Variants in ANP32A observed in about 807,000 individuals in gnomAD.
The protein encoded by ANP32A is acidic leucine-rich nuclear phosphoprotein 32 family member A.
ANP32A carries 1 observed loss-of-function variant against 33.9 expected under a neutral mutation model. The ratio of observed to expected loss-of-function variants is 0.03; its 90% CI spans 0.01 to 0.14. The LOEUF is 0.14. ANP32A is among the 10% of genes least tolerant of loss of function. ANP32A has a pLI of 1.00. For synonymous variants in ANP32A, 115 were observed against 120.5 expected (o/e 0.95, Z 0.30); for missense variants, 155 against 306.0 (o/e 0.51, Z 3.68).
At chr15:68,820,541 C>T (rs1443610715) in intron 1 of ANP32A, among the ~76,000 whole-genome samples, 157 bp downstream of exon 1, 1 of 133,746 alleles carries the variant, frequency 7.5e-6, no homozygotes, top group Non-Finnish European at 1.6e-5. Flanking sequence ...GGCATTGCAA[C>T]CCCCCAGCCT....
intron 1 of ANP32A, among the ~76,000 whole-genome samples, chr15:68,809,970 A>C (rs374861415): frequency 6.6e-6 from 1 of 152,326 alleles, no homozygotes; most frequent in South Asian, 2.1e-4. Flanking sequence ...TTACAAACTG[A>C]AGCACTCTGA....
intron 1 of ANP32A, among the ~76,000 whole-genome samples, chr15:68,804,489 A>G (rs935013231): frequency 1.3e-5 from 2 of 152,234 alleles, no homozygotes; most frequent in African/African-American, 4.8e-5. Flanking sequence ...AACAAAACAC[A>G]TTTTTAAAAA....
chr15:68,788,886 T>C (rs1893966054), intron 1 of ANP32A, among the ~76,000 whole-genome samples: 1 of 152,120 alleles, frequency 6.6e-6, no homozygotes, highest in African/African-American at 2.4e-5. Context: ...TCTAATGAGG[T>C]AGAAAGAACG....
At chr15:68,810,910 G>C (rs559374216) in intron 1 of ANP32A, among the ~76,000 whole-genome samples, 3 of 151,886 alleles carry the variant, frequency 2.0e-5, no homozygotes, top group Non-Finnish European at 2.9e-5. Context: ...AAATAAAAAA[G>C]TTATCCGGGC....
intron 3 of ANP32A, among the ~76,000 whole-genome samples, chr15:68,786,237 GTGC>G (rs540138167): frequency 4.6e-4 from 69 of 149,278 alleles, no homozygotes; most frequent in African/African-American, 1.4e-3. Flanking sequence ...GATGCCTGAG[GTGC>G]TGCTGCTGCT....
At chr15:68,806,360 G>A (rs925051579) in intron 1 of ANP32A, among the ~76,000 whole-genome samples, 7 of 152,072 alleles carry the variant, frequency 4.6e-5, no homozygotes, top group African/African-American at 1.2e-4. Flanking sequence ...GATGAACACC[G>A]GCCGCTGAAA....
intron 1 of ANP32A, among the ~76,000 whole-genome samples, chr15:68,809,670 G>A (rs1427421293): frequency 6.6e-6 from 1 of 151,608 alleles, no homozygotes; most frequent in Non-Finnish European, 1.5e-5. Context: ...AACTCCATCA[G>A]AAAGTCACAC....
At chr15:68,793,148 A>T (rs956667696) in intron 1 of ANP32A, among the ~76,000 whole-genome samples, 17 of 152,304 alleles carry the variant, frequency 1.1e-4, no homozygotes, top group African/African-American at 4.1e-4. Context: ...GAGGTCAGGG[A>T]CTGTCCTCCG....
At position 68,780,604 on chromosome 15, in the gene ANP32A, C is replaced by T. The variant is rs889891375; in HGVS notation, c.625-131G>A. The T allele has an allele frequency of 7.8e-5, 112 of 1,439,438 alleles. No homozygotes were observed. The highest frequency in any genetic ancestry group is 5.3e-4 in the African/African-American group (37 of 69,770). The allele number at this position is 1,439,438 out of a possible 1,614,324, so 89.2% of individuals were successfully genotyped here. On this transcript the variant is annotated intron_variant, in intron 5 of 6. Coordinates refer to ENST00000465139, the MANE Select transcript of ANP32A (RefSeq NM_006305.4). The surrounding 1 kb of genome is among the most constrained non-coding windows in gnomAD (Gnocchi z 4.3). The stretch of plus-strand genomic sequence containing the variant: ...GAGCCCCCACCAAGACTTGACATCT[C>T]GGGAGGAATGTAAAGCAGAGGTTCT...
At chr15:68,792,002 G>A (rs1482708717) in intron 1 of ANP32A, 1 of 152,536 alleles carries the variant, frequency 6.6e-6, no homozygotes, top group Non-Finnish European at 1.5e-5. Flanking sequence ...TAGTGCTCTA[G>A]TTTCAAAGCC....
intron 1 of ANP32A, among the ~76,000 whole-genome samples, chr15:68,814,711 A>G (rs1189156006): frequency 6.6e-6 from 1 of 152,220 alleles, no homozygotes; most frequent in Non-Finnish European, 1.5e-5. Context: ...TGAAACTCAA[A>G]GCCACTATGC....
intron 1 of ANP32A, among the ~76,000 whole-genome samples, chr15:68,811,208 A>C (rs766604327): frequency 6.6e-5 from 10 of 152,148 alleles, no homozygotes; most frequent in Non-Finnish European, 1.2e-4. Context: ...AGGATGGAGA[A>C]GATAGACAAT....
intron 1 of ANP32A, among the ~76,000 whole-genome samples, chr15:68,796,601 A>T (rs535891007): frequency 6.6e-6 from 1 of 152,316 alleles, no homozygotes; most frequent in South Asian, 2.1e-4. Flanking sequence ...GGAGGACTGA[A>T]GAGGTAGGCA....
At chr15:68,781,607 CT>C (rs60622563) in intron 5 of ANP32A, 11,821 of 141,220 alleles carry the variant, frequency 0.084, 815 homozygotes, top group African/African-American at 0.19. Flanking sequence ...ATCTGGCCAG[CT>C]TTTTTTTTTT....
At chr15:68,781,559 G>A (rs1014622605) in intron 5 of ANP32A, 2 of 151,482 alleles carry the variant, frequency 1.3e-5, no homozygotes, top group African/African-American at 4.8e-5. Flanking sequence ...CTAGGGAGAA[G>A]GCAAAGCCAG....
At position 68,780,252 on chromosome 15, in the gene ANP32A, T is replaced by G; in HGVS notation, c.689-110A>C. 1 of 1,565,354 alleles carries G rather than the reference T, an allele frequency of 6.4e-7. No homozygotes were observed. Among genetic ancestry groups the G allele is most frequent in the Non-Finnish European group, 8.7e-7 (1 of 1,153,618 alleles). On this transcript the variant is annotated intron_variant, in intron 6 of 6. Coordinates refer to ENST00000465139, the MANE Select transcript of ANP32A (RefSeq NM_006305.4). The surrounding 1 kb of genome is among the most constrained non-coding windows in gnomAD (Gnocchi z 4.3). ...CATGACTAGCAAGCTGTGCCATCCT[T>G]GGAAACCGAGGCAAGACATCTGCAC...
chr15:68,814,389 G>A (rs1442116142), intron 1 of ANP32A, among the ~76,000 whole-genome samples: 4 of 151,252 alleles, frequency 2.6e-5, no homozygotes, highest in South Asian at 2.1e-4. Flanking sequence ...GCAAAACCCC[G>A]TCTCTACAAA....
chr15:68,810,825 C>T lies in ANP32A; in HGVS notation c.54+9873G>A, dbSNP rs145990598. 3.3e-3 allele frequency among the ~76,000 whole-genome samples: 505 copies of T among 151,946 alleles called. 8 individuals are homozygous for T. The highest frequency in any genetic ancestry group is 0.012 in the African/African-American group (487 of 41,472). On this transcript the variant is annotated intron_variant, in intron 1 of 6. Coordinates refer to ENST00000465139, the MANE Select transcript of ANP32A (RefSeq NM_006305.4). ...CTGTAATCCCAGCACTTTGGGAGGC[C>T]GAGGCAGGCAGATCACTTGAGGTCA...
At chr15:68,788,759 G>T (rs1567034979) in intron 1 of ANP32A, among the ~76,000 whole-genome samples, 1 of 152,158 alleles carries the variant, frequency 6.6e-6, no homozygotes, top group Admixed American at 6.5e-5. Context: ...CTTAGGATGG[G>T]CCCATAATGA....
Sources: gnomAD v4.1 joint callset for allele counts (sites outside exome capture counted in the v4.1 genomes callset) on GRCh38, gnomAD v4.1.1 for gene constraint, Gnocchi (gnomAD v3.1) non-coding constraint, MANE v1.5 for transcripts, NCBI Gene and HGNC (gene_info 2026-07-23, HGNC 2026-07-21) for gene names.